UBE2E1: variants seen among roughly 807,000 people sequenced by gnomAD.
UBE2E1 encodes the protein ubiquitin-conjugating enzyme E2 E1.
A neutral mutation model predicts 21.4 loss-of-function variants in UBE2E1; 6 were observed. That is an observed-to-expected ratio of 0.28 (90% CI 0.15 to 0.55). The LOEUF (loss-of-function observed/expected upper bound fraction) is 0.55. Among genes scored for constraint, UBE2E1 ranks in the 20% least tolerant of loss-of-function variants. The pLI, the probability that UBE2E1 is intolerant of heterozygous loss-of-function variation, is 0.93. For missense variants in UBE2E1, 142 were observed against 236.5 expected (o/e 0.60, Z 2.62); for synonymous variants, 87 against 82.7 (o/e 1.05, Z -0.28).
intron 3 of UBE2E1, among the ~76,000 whole-genome samples, chr3:23,880,946 C>A (rs1209209706): frequency 2.0e-5 from 3 of 152,192 alleles, no homozygotes; most frequent in Admixed American, 1.3e-4. Context: ...GCAAAAGTTA[C>A]TACCAGTTGA....
rs146671110 is a variant in UBE2E1, at chr3:23,842,938, G to A, written c.203+31428G>A. Among the ~76,000 whole-genome samples the A allele has an allele frequency of 3.5e-3, 536 of 152,012 alleles. 6 individuals carry two copies. The highest frequency in any genetic ancestry group is 0.012 in the African/African-American group (495 of 41,448). On this transcript the variant is annotated intron_variant, in intron 3 of 5. Transcript: ENST00000306627. The surrounding 1 kb of genome is among the most constrained non-coding windows in gnomAD (Gnocchi z 4.6). ...AGAACCCTATAGTAGCATGATTATGGTAGTTATGGTATAACTTTATACCAT... is the reference window on the plus strand; with the variant it reads ...AGAACCCTATAGTAGCATGATTATGATAGTTATGGTATAACTTTATACCAT...
intron 3 of UBE2E1, among the ~76,000 whole-genome samples, chr3:23,864,293 G>A (rs1435378493): frequency 1.3e-5 from 2 of 152,020 alleles, no homozygotes; most frequent in African/African-American, 4.8e-5. Flanking sequence ...GCCACCTTGT[G>A]TAGGTCAGTT....
chr3:23,848,948 G>C (rs1277213325), intron 3 of UBE2E1, among the ~76,000 whole-genome samples: 1 of 152,158 alleles, frequency 6.6e-6, no homozygotes, highest in African/African-American at 2.4e-5. Flanking sequence ...GTTGTGTCAT[G>C]TATCAGTACT....
chr3:23,886,719 T>C (rs1485006177), intron 3 of UBE2E1, among the ~76,000 whole-genome samples: 2 of 152,200 alleles, frequency 1.3e-5, no homozygotes, highest in Admixed American at 1.3e-4. Flanking sequence ...TTGAAGGAGT[T>C]TGTCTTGTTC....
intron 3 of UBE2E1, among the ~76,000 whole-genome samples, chr3:23,854,092 T>C (rs1700385923): frequency 6.6e-6 from 1 of 152,020 alleles, no homozygotes; most frequent in Non-Finnish European, 1.5e-5. Context: ...ACCCCACGTC[T>C]ACTAAAAATA....
chr3:23,856,151 C>T (rs182668624), intron 3 of UBE2E1, among the ~76,000 whole-genome samples: 4 of 152,232 alleles, frequency 2.6e-5, no homozygotes, highest in Non-Finnish European at 2.9e-5. Flanking sequence ...CTCAGCCTCC[C>T]GAGTAACTGG....
intron 4 of UBE2E1, among the ~76,000 whole-genome samples, chr3:23,888,664 C>T (rs578257256): frequency 6.6e-6 from 1 of 152,280 alleles, no homozygotes; most frequent in Non-Finnish European, 1.5e-5. Flanking sequence ...TTTGTTCAGC[C>T]TTTTGGGTGT....
At chr3:23,883,016 C>A (rs1486916814) in intron 3 of UBE2E1, among the ~76,000 whole-genome samples, 1 of 152,230 alleles carries the variant, frequency 6.6e-6, no homozygotes. Context: ...GCTCCTCAAG[C>A]GCGGCCAGAG....
intron 3 of UBE2E1, among the ~76,000 whole-genome samples, chr3:23,844,398 C>T (rs1231305673): frequency 6.6e-6 from 1 of 152,166 alleles, no homozygotes; most frequent in East Asian, 1.9e-4. Context: ...CTCCCTGTTG[C>T]TATGCAAGCA....
intron 3 of UBE2E1, among the ~76,000 whole-genome samples, chr3:23,883,990 C>T (rs1701117096): frequency 6.6e-6 from 1 of 151,878 alleles, no homozygotes; most frequent in Non-Finnish European, 1.5e-5. Flanking sequence ...ACAGTAATTC[C>T]TGAGGGCCCA....
chr3:23,879,911 T>TA (rs527881338), intron 3 of UBE2E1, among the ~76,000 whole-genome samples: 1 of 152,206 alleles, frequency 6.6e-6, no homozygotes, highest in Non-Finnish European at 1.5e-5. Context: ...TGTCTCCCAA[T>TA]AAAAAATGTA....
intron 3 of UBE2E1, among the ~76,000 whole-genome samples, chr3:23,851,444 A>C (rs1363180342): frequency 6.6e-6 from 1 of 152,084 alleles, no homozygotes; most frequent in Non-Finnish European, 1.5e-5. Flanking sequence ...TTTTTTAAAC[A>C]GTCCAGCTGG....
chr3:23,835,574 G>A (rs1699959053), intron 3 of UBE2E1, among the ~76,000 whole-genome samples: 1 of 91,456 alleles, frequency 1.1e-5, no homozygotes, highest in Non-Finnish European at 2.4e-5. Flanking sequence ...GAAGCCAAGG[G>A]TAAGAACCAA....
rs1375293378 is a variant in UBE2E1, at chr3:23,876,408, G to A, written c.204-11159G>A. ...TTACTGTTTTATGAAGGGGTGCTGA[G>A]GGTAAGAATGTACCAAGTAGATCTC... On this transcript the variant is annotated intron_variant, in intron 3 of 5. Coordinates refer to ENST00000306627, the MANE Select transcript of UBE2E1 (RefSeq NM_003341.5). This position sits in a 1 kb window ranked among gnomAD's most constrained non-coding sequence, Gnocchi z 4.3. Among the ~76,000 whole-genome samples the A allele has an allele frequency of 6.6e-6, 1 of 152,164 alleles. No individual in the cohort carries two copies. Among genetic ancestry groups the A allele is most frequent in the Non-Finnish European group, 1.5e-5 (1 of 68,036 alleles).
At chr3:23,881,939 C>T (rs1055736798) in intron 3 of UBE2E1, among the ~76,000 whole-genome samples, 1 of 151,870 alleles carries the variant, frequency 6.6e-6, no homozygotes, top group African/African-American at 2.4e-5. Flanking sequence ...TGGAGCTGTT[C>T]GTTCCTCCCG....
intron 3 of UBE2E1, among the ~76,000 whole-genome samples, chr3:23,839,483 A>G (rs1700040550): frequency 6.6e-6 from 1 of 151,382 alleles, no homozygotes; most frequent in South Asian, 2.1e-4. Context: ...AAATAATAAT[A>G]ATAATAATAA....
At chr3:23,825,853 A>T (rs1699746598) in intron 3 of UBE2E1, among the ~76,000 whole-genome samples, 1 of 152,158 alleles carries the variant, frequency 6.6e-6, no homozygotes, top group South Asian at 2.1e-4. Context: ...AGGTATTTGG[A>T]GAATACCTCA....
intron 3 of UBE2E1, among the ~76,000 whole-genome samples, chr3:23,837,780 C>T (rs1007522885): frequency 1.3e-5 from 2 of 152,158 alleles, no homozygotes; most frequent in African/African-American, 2.4e-5. Flanking sequence ...TTTTTACCAC[C>T]TTCAATCTTT....
chr3:23,826,567 C>T (rs1025122195), intron 3 of UBE2E1, among the ~76,000 whole-genome samples: 1 of 152,176 alleles, frequency 6.6e-6, no homozygotes, highest in African/African-American at 2.4e-5. Flanking sequence ...AGGCAGCTTG[C>T]CAGAACTCCT....
Sources: gnomAD v4.1 joint callset for allele counts (sites outside exome capture counted in the v4.1 genomes callset) on GRCh38, gnomAD v4.1.1 for gene constraint, Gnocchi (gnomAD v3.1) non-coding constraint, MANE v1.5 for transcripts, NCBI Gene and HGNC (gene_info 2026-07-23, HGNC 2026-07-21) for gene names.